The following ZC2HC1A variants were observed in gnomAD, a reference collection of about 807,000 sequenced individuals.
ZC2HC1A encodes zinc finger C2HC-type containing 1A.
ZC2HC1A carries 28 observed loss-of-function variants against 40.7 expected under a neutral mutation model. The ratio of observed to expected loss-of-function variants is 0.69; its 90% confidence interval spans 0.51 to 0.94. ZC2HC1A has a LOEUF of 0.94. Among genes scored for constraint, ZC2HC1A ranks in the 40% least tolerant of loss-of-function variants. The pLI, the probability that ZC2HC1A is intolerant of heterozygous loss-of-function variation, is 0.00. For missense variants in ZC2HC1A, 389 were observed against 386.3 expected (o/e 1.01, Z -0.06); for synonymous variants, 129 against 129.2 (o/e 1.00, Z 0.01).
chr8:78,709,964 A>G (rs142524780), intron 7 of ZC2HC1A, among the ~76,000 whole-genome samples: 1 of 152,268 alleles, frequency 6.6e-6, no homozygotes, highest in African/African-American at 2.4e-5. Context: ...CTACACTCCT[A>G]CAAGGTACCT....
intron 7 of ZC2HC1A, among the ~76,000 whole-genome samples, chr8:78,709,615 G>T (rs1285509865): frequency 4.0e-5 from 6 of 151,822 alleles, no homozygotes; most frequent in African/African-American, 1.5e-4. Flanking sequence ...AACTGCCTTA[G>T]AGCAGGGGGG....
intron 5 of ZC2HC1A, among the ~76,000 whole-genome samples, chr8:78,696,183 C>G (rs1448908694): frequency 6.6e-6 from 1 of 151,848 alleles, no homozygotes; most frequent in African/African-American, 2.4e-5. Flanking sequence ...TACAGGCGCC[C>G]GCTACCACGC....
chr8:78,701,527 CTA>C (rs907022849), intron 7 of ZC2HC1A, among the ~76,000 whole-genome samples: 2 of 152,130 alleles, frequency 1.3e-5, no homozygotes, highest in Admixed American at 1.3e-4. Context: ...ACTTCCAAAA[CTA>C]TGTTGAATAG....
chr8:78,717,254 C>T, intron 8 of ZC2HC1A, 74 bp from the exon 9 acceptor site: 2 of 1,346,550 alleles, frequency 1.5e-6, no homozygotes, highest in Admixed American at 2.4e-5. Flanking sequence ...TATTTATGTC[C>T]TGTTTCTCCA....
intron 2 of ZC2HC1A, among the ~76,000 whole-genome samples, chr8:78,676,551 TTAATG>T (rs1206007411): frequency 6.6e-6 from 1 of 151,998 alleles, no homozygotes; most frequent in African/African-American, 2.4e-5. Flanking sequence ...TATTAATACT[TTAATG>T]TAAGACAGAA....
intron 7 of ZC2HC1A, among the ~76,000 whole-genome samples, chr8:78,707,441 T>C (rs1461366696): frequency 6.6e-6 from 1 of 152,224 alleles, no homozygotes; most frequent in Non-Finnish European, 1.5e-5. Flanking sequence ...CTGTGACATA[T>C]TGTCTGACTG....
chr8:78,671,448 A>G (rs763158609), intron 1 of ZC2HC1A, among the ~76,000 whole-genome samples: 105 of 152,182 alleles, frequency 6.9e-4, no homozygotes, highest in Non-Finnish European at 2.9e-4. Flanking sequence ...CCCTCTGAAT[A>G]TCATCTTTCT....
chr8:78,700,041 A>T (rs960619506), intron 7 of ZC2HC1A, among the ~76,000 whole-genome samples: 1 of 152,180 alleles, frequency 6.6e-6, no homozygotes, highest in Non-Finnish European at 1.5e-5. Flanking sequence ...GAATTGCCAC[A>T]CTGTCTTTCA....
At chr8:78,669,162 T>C (rs183969839) in intron 1 of ZC2HC1A, among the ~76,000 whole-genome samples, 1 of 152,316 alleles carries the variant, frequency 6.6e-6, no homozygotes, top group East Asian at 1.9e-4. Flanking sequence ...ATCTAGCATT[T>C]ACTGCTTTTT....
chr8:78,701,042 GT>G (rs1810586535), intron 7 of ZC2HC1A, among the ~76,000 whole-genome samples: 1 of 152,156 alleles, frequency 6.6e-6, no homozygotes, highest in Non-Finnish European at 1.5e-5. Context: ...GTCACTGATA[GT>G]TTAATGGGAA....
chr8:78,698,133 G>T (rs553400726), intron 6 of ZC2HC1A, among the ~76,000 whole-genome samples: 1 of 152,064 alleles, frequency 6.6e-6, no homozygotes, highest in African/African-American at 2.4e-5. Flanking sequence ...TCTGAACTGG[G>T]CAATTGTTCG....
chr8:78,716,369 C>T (rs1213288973), intron 8 of ZC2HC1A, among the ~76,000 whole-genome samples: 4 of 151,860 alleles, frequency 2.6e-5, no homozygotes, highest in East Asian at 2.0e-4. Context: ...ATGATCCACC[C>T]ACCTTGGCCT....
At chr8:78,667,231 A>T in intron 1 of ZC2HC1A, among the ~76,000 whole-genome samples, 1 of 152,238 alleles carries the variant, frequency 6.6e-6, no homozygotes, top group East Asian at 1.9e-4. Context: ...TAACATGAGT[A>T]GAAGTTTATT....
At chr8:78,688,492 C>A (rs1233320974) in intron 4 of ZC2HC1A, among the ~76,000 whole-genome samples, 1 of 152,086 alleles carries the variant, frequency 6.6e-6, no homozygotes, top group Non-Finnish European at 1.5e-5. Context: ...AAGTTGTAAA[C>A]CTGTTAAATT....
chr8:78,705,328 A>G (rs1049086221), intron 7 of ZC2HC1A, among the ~76,000 whole-genome samples: 2 of 152,088 alleles, frequency 1.3e-5, no homozygotes, highest in African/African-American at 4.8e-5. Context: ...CTACTTTTCC[A>G]TAGGGCTGCT....
At chr8:78,673,479 A>C (rs1809490853) in intron 1 of ZC2HC1A, among the ~76,000 whole-genome samples, 1 of 152,180 alleles carries the variant, frequency 6.6e-6, no homozygotes, top group South Asian at 2.1e-4. Flanking sequence ...TAGATCCTTG[A>C]AGAATCACCA....
intron 7 of ZC2HC1A, among the ~76,000 whole-genome samples, chr8:78,712,773 C>G (rs1015533867): frequency 6.6e-6 from 1 of 152,052 alleles, no homozygotes; most frequent in African/African-American, 2.4e-5. Context: ...AATTCTAGCC[C>G]ACATTTTAAA....
intron 5 of ZC2HC1A, among the ~76,000 whole-genome samples, chr8:78,694,362 A>G (rs1339173628): frequency 6.6e-6 from 1 of 151,922 alleles, no homozygotes; most frequent in Non-Finnish European, 1.5e-5. Context: ...GCTTGTTACA[A>G]GTAAAACGGT....
chr8:78,703,652 T>C (rs1207835560), intron 7 of ZC2HC1A, among the ~76,000 whole-genome samples: 4 of 152,130 alleles, frequency 2.6e-5, no homozygotes, highest in Non-Finnish European at 5.9e-5. Context: ...CTCCATCCCT[T>C]TATTTTGATC....
Sources: gnomAD v4.1 joint callset for allele counts (sites outside exome capture counted in the v4.1 genomes callset) on GRCh38, gnomAD v4.1.1 for gene constraint, MANE v1.5 for transcripts, NCBI Gene and HGNC (gene_info 2026-07-23, HGNC 2026-07-21) for gene names.